ATRNL1: variants seen among roughly 807,000 people sequenced by gnomAD.
ATRNL1 encodes attractin like 1, also known as attractin-like protein 1.
Under a neutral mutation model 182.7 loss-of-function variants are expected in ATRNL1, and 95 were observed. That is an observed-to-expected ratio of 0.52 (90% CI 0.44 to 0.62). ATRNL1 has a LOEUF of 0.62. Among genes scored for constraint, ATRNL1 ranks in the 20% least tolerant of loss-of-function variants. ATRNL1 has a pLI of 0.00. For missense variants in ATRNL1, 1,471 were observed against 1,679.5 expected (o/e 0.88, Z 2.17); for synonymous variants, 576 against 568.3 (o/e 1.01, Z -0.19).
rs551125157 is a variant in ATRNL1 at position 115,901,538 on chromosome 10, G to T, written c.4019-43120G>T. ...AGTGGGTTTTTTGTTTTTTGTTTTT[G>T]TTTTTGTTGCACTTAATATGGTGCC... On this transcript the variant is annotated intron_variant, in intron 28 of 28. Transcript: ENST00000355044. Among the ~76,000 whole-genome samples the T allele has an allele frequency of 3.6e-3, 544 of 151,804 alleles. 3 individuals carry two copies. Among genetic ancestry groups the T allele is most frequent in the African/African-American group, 0.012 (516 of 41,444 alleles).
intron 28 of ATRNL1, among the ~76,000 whole-genome samples, chr10:115,923,042 G>T (rs1953114607): frequency 6.6e-6 from 1 of 152,114 alleles, no homozygotes; most frequent in Non-Finnish European, 1.5e-5. Context: ...ATCTCAAAAA[G>T]ATTTTTAATT....
intron 3 of ATRNL1, among the ~76,000 whole-genome samples, chr10:115,125,323 A>G (rs186401629): frequency 2.0e-4 from 31 of 152,272 alleles, no homozygotes; most frequent in Non-Finnish European, 4.0e-4. Flanking sequence ...GAGTGGCCCG[A>G]AGGTTGCCTA....
At chr10:115,247,946 A>G (rs1205649561) in intron 10 of ATRNL1, among the ~76,000 whole-genome samples, 3 of 152,186 alleles carry the variant, frequency 2.0e-5, no homozygotes, top group Non-Finnish European at 2.9e-5. Context: ...GTATGTTTTC[A>G]CTCATATGTG....
At chr10:115,891,104 T>A (rs1291590762) in intron 28 of ATRNL1, among the ~76,000 whole-genome samples, 6 of 148,786 alleles carry the variant, frequency 4.0e-5, no homozygotes, top group African/African-American at 7.8e-5. Context: ...CTTCCCCAGG[T>A]TAAAAAAAAA....
At chr10:115,720,526 G>A (rs779373250) in intron 26 of ATRNL1, among the ~76,000 whole-genome samples, 1 of 152,164 alleles carries the variant, frequency 6.6e-6, no homozygotes, top group Non-Finnish European at 1.5e-5. Flanking sequence ...ATCAGGTCAT[G>A]TAGTTTGTAC....
intron 5 of ATRNL1, among the ~76,000 whole-genome samples, chr10:115,149,535 T>C (rs1400621758): frequency 1.3e-5 from 2 of 152,126 alleles, no homozygotes; most frequent in African/African-American, 4.8e-5. Flanking sequence ...TTGTTGAGAG[T>C]TTTTATCGTG....
At chr10:115,137,411 A>G (rs1271970612) in intron 5 of ATRNL1, among the ~76,000 whole-genome samples, 1 of 152,204 alleles carries the variant, frequency 6.6e-6, no homozygotes, top group African/African-American at 2.4e-5. Context: ...TGCAGCTAGT[A>G]TGGCTATGTT....
chr10:115,400,904 T>C (rs560154453), intron 20 of ATRNL1, among the ~76,000 whole-genome samples: 64 of 152,180 alleles, frequency 4.2e-4, no homozygotes, highest in Non-Finnish European at 8.1e-4. Context: ...GGTTTGCCTT[T>C]CTATGTCTTT....
chr10:115,947,355 A>G lies in ATRNL1; in HGVS notation c.*2576A>G, dbSNP rs1555126142. On this transcript the variant is annotated 3_prime_UTR_variant, in exon 29 of 29. Transcript: ENST00000355044. ...TGAAAACTAACCTTAATGGAATTCT[A>G]AACATTTCAGTTTAGAATGACTTTG... The G allele has an allele frequency of 6.6e-6, 1 of 151,872 alleles. No homozygotes were observed. Among genetic ancestry groups the G allele is most frequent in the African/African-American group, 2.4e-5 (1 of 41,396 alleles). The allele number at this position is 151,872 out of a possible 1,614,324, so 9.4% of individuals were successfully genotyped here.
At chr10:115,689,345 T>C (rs1946318174) in intron 26 of ATRNL1, among the ~76,000 whole-genome samples, 1 of 152,232 alleles carries the variant, frequency 6.6e-6, no homozygotes, top group South Asian at 2.1e-4. Context: ...TTAGATTGTT[T>C]ATTTGAAATC....
At chr10:115,509,832 G>A (rs992594936) in intron 24 of ATRNL1, among the ~76,000 whole-genome samples, 12 of 151,908 alleles carry the variant, frequency 7.9e-5, no homozygotes, top group Admixed American at 4.6e-4. Context: ...AGCTGACATA[G>A]GTGATGATTC....
At chr10:115,113,588 A>G (rs918007432) in intron 1 of ATRNL1, among the ~76,000 whole-genome samples, 14 of 152,116 alleles carry the variant, frequency 9.2e-5, no homozygotes, top group Admixed American at 9.2e-4. Context: ...GGTTTTATAA[A>G]GAGGAGGTCC....
intron 26 of ATRNL1, among the ~76,000 whole-genome samples, chr10:115,643,300 C>T (rs1404409934): frequency 1.3e-5 from 2 of 152,076 alleles, no homozygotes; most frequent in Non-Finnish European, 2.9e-5. Context: ...ACTTTGACCT[C>T]ATACTTCACA....
At chr10:115,490,765 C>G (rs1849259738) in intron 24 of ATRNL1, among the ~76,000 whole-genome samples, 1 of 152,088 alleles carries the variant, frequency 6.6e-6, no homozygotes, top group African/African-American at 2.4e-5. Flanking sequence ...CAGTTTTGTT[C>G]CCTTGCTGGT....
chr10:115,872,935 T>C (rs1951618010), intron 28 of ATRNL1, among the ~76,000 whole-genome samples: 1 of 152,250 alleles, frequency 6.6e-6, no homozygotes, highest in Non-Finnish European at 1.5e-5. Context: ...AATTACAGCA[T>C]AGCTGCTCCT....
At chr10:115,758,883 A>C (rs998386861) in intron 27 of ATRNL1, among the ~76,000 whole-genome samples, 1 of 152,256 alleles carries the variant, frequency 6.6e-6, no homozygotes, top group African/African-American at 2.4e-5. Flanking sequence ...GGGTGTACAT[A>C]AATGTTAAAA....
intron 28 of ATRNL1, among the ~76,000 whole-genome samples, chr10:115,921,924 A>G (rs1953075793): frequency 6.6e-6 from 1 of 152,194 alleles, no homozygotes; most frequent in Non-Finnish European, 1.5e-5. Flanking sequence ...AAATAATTGT[A>G]TTTCAAACCT....
At chr10:115,612,764 T>C (rs557729234) in intron 26 of ATRNL1, among the ~76,000 whole-genome samples, 17 of 152,318 alleles carry the variant, frequency 1.1e-4, no homozygotes, top group African/African-American at 4.1e-4. Context: ...GTTCTTATCA[T>C]AGGCATGTGC....
intron 25 of ATRNL1, among the ~76,000 whole-genome samples, chr10:115,535,624 C>T (rs889687829): frequency 5.3e-5 from 8 of 152,198 alleles, no homozygotes; most frequent in East Asian, 1.9e-4. Flanking sequence ...AGTCATTCTC[C>T]GTCCAGCTTT....
Sources: allele counts gnomAD v4.1 joint callset (sites outside exome capture counted in the v4.1 genomes callset), GRCh38; gene constraint gnomAD v4.1.1; transcripts MANE v1.5; gene names NCBI Gene and HGNC (gene_info 2026-07-23, HGNC 2026-07-21).